ZNF569: variants seen among roughly 807,000 people sequenced by gnomAD.
The protein encoded by ZNF569 is zinc finger protein 569.
A neutral mutation model predicts 56.3 loss-of-function variants in ZNF569; 38 were observed. The observed-to-expected ratio is 0.68, with a 90% CI of 0.52 to 0.88. ZNF569 has a LOEUF of 0.88. Among genes scored for constraint, ZNF569 ranks in the 40% least tolerant of loss-of-function variants. The pLI is 0.00. For missense variants in ZNF569, 666 were observed against 809.2 expected (o/e 0.82, Z 2.15); for synonymous variants, 241 against 262.9 (o/e 0.92, Z 0.81).
chr19:37,437,015 C>CAAAAAAAAAAA (rs368735580), intron 3 of ZNF569, among the ~76,000 whole-genome samples: 1 of 100,150 alleles, frequency 1.0e-5, no homozygotes, highest in Non-Finnish European at 2.2e-5. Flanking sequence ...CAAGACACAT[C>CAAAAAAAAAAA]AAAAAAAAAA....
intron 5 of ZNF569, among the ~76,000 whole-genome samples, chr19:37,420,568 A>C (rs1468280711): frequency 6.6e-6 from 1 of 152,210 alleles, no homozygotes; most frequent in Non-Finnish European, 1.5e-5. Flanking sequence ...TTATCCCTGC[A>C]ATCACGAGAC....
chr19:37,457,887 CT>C (rs200755637), intron 2 of ZNF569, among the ~76,000 whole-genome samples: 2 of 151,284 alleles, frequency 1.3e-5, no homozygotes, highest in East Asian at 1.9e-4. Flanking sequence ...TTTTTATATT[CT>C]TTTTTTTTGG....
At position 37,413,384 on chromosome 19, in the gene ZNF569, A is replaced by T. The variant is rs1195479467; in HGVS notation, c.1274T>A (p.Phe425Tyr). 2 of 1,610,990 alleles carry T rather than the reference A, an allele frequency of 1.2e-6. No individual in the cohort carries two copies. Reference protein sequence around the residue: ...CRKAFSHKKNFITHQKIHTRE... With the variant: ...CRKAFSHKKNYITHQKIHTRE... ...AGTATGAATTTTCTGGTGTGTAATG[A>T]AGTTTTTCTTGTGGCTGAAGGCTTT... is the stretch of plus-strand genomic sequence containing the variant. Residue 425 changes from phenylalanine (F) to tyrosine (Y), a missense_variant, in exon 6 of 6, where the codon TTC becomes TAC. Phe to Tyr is a conservative substitution (Grantham distance 22, BLOSUM62 3). Transcript: ENST00000316950.
intron 3 of ZNF569, among the ~76,000 whole-genome samples, chr19:37,436,826 TAA>T (rs1363855182): frequency 2.0e-5 from 3 of 151,924 alleles, no homozygotes; most frequent in Non-Finnish European, 4.4e-5. Flanking sequence ...GAAGCTGTAA[TAA>T]AAAGTCTCCG....
In ZNF569 at chr19:37,413,851, G is replaced by C. The variant is rs907812034; in HGVS notation, c.807C>G (p.Pro269=). ...ACTTCTCACATTCCTTACATGCATA[G>C]GGCTTCTCTCCAGTATGAATTCTTT... The part of the protein sequence containing the change: ...RHQRIHTGEK[P]YACKECEKSF... Residue 269 remains proline (P), a synonymous_variant, in exon 6 of 6, where the codon CCC becomes CCG. Transcript: ENST00000316950. 43 of 1,613,414 alleles carry C rather than the reference G, an allele frequency of 2.7e-5. No individual in the cohort carries two copies. Among genetic ancestry groups the C allele is most frequent in the Non-Finnish European group, 3.4e-5 (40 of 1,179,890 alleles).
At chr19:37,426,050 G>C in intron 4 of ZNF569, 87 bp from the exon 5 acceptor site, 1 of 1,453,336 alleles carries the variant, frequency 6.9e-7, no homozygotes, top group Non-Finnish European at 9.5e-7. Flanking sequence ...GGAAAACCAG[G>C]CTAAAGGACA....
chr19:37,454,406 T>C (rs2041640266), intron 2 of ZNF569, among the ~76,000 whole-genome samples: 1 of 152,162 alleles, frequency 6.6e-6, no homozygotes, highest in Non-Finnish European at 1.5e-5. Flanking sequence ...ACCATATCCC[T>C]AAGTCTTGGG....
intron 3 of ZNF569, among the ~76,000 whole-genome samples, chr19:37,440,404 C>T (rs2041384432): frequency 6.6e-6 from 1 of 151,462 alleles, no homozygotes; most frequent in Non-Finnish European, 1.5e-5. Context: ...ATGGTGTTTG[C>T]CAGGGGCTAG....
chr19:37,413,436 T>TC lies in ZNF569; in HGVS notation c.1221dup (p.Lys408GlufsTer4), dbSNP rs1186916371. On this transcript the variant is annotated frameshift_variant, in exon 6 of 6. Coordinates refer to ENST00000316950, the MANE Select transcript of ZNF569 (RefSeq NM_152484.3). LOFTEE classifies it high-confidence loss of function. ...CTGCATTCCTTACATTCATAGGGTTTCTCACCAGTGTGACTTCTCATATGT... is the reference window on the plus strand; with the variant it reads ...CTGCATTCCTTACATTCATAGGGTTTCCTCACCAGTGTGACTTCTCATATGT... The TC allele has an allele frequency of 6.2e-7, 1 of 1,613,936 alleles. No homozygotes were observed. Among genetic ancestry groups the TC allele is most frequent in the Non-Finnish European group, 8.5e-7 (1 of 1,179,948 alleles).
At chr19:37,429,712 G>C (rs991359963) in intron 3 of ZNF569, among the ~76,000 whole-genome samples, 2 of 152,170 alleles carry the variant, frequency 1.3e-5, no homozygotes, top group African/African-American at 4.8e-5. Context: ...TTAAAGTCTG[G>C]ACTATTACAC....
intron 5 of ZNF569, among the ~76,000 whole-genome samples, chr19:37,414,784 G>T (rs1399054718): frequency 6.6e-6 from 1 of 152,112 alleles, no homozygotes; most frequent in Non-Finnish European, 1.5e-5. Flanking sequence ...AGATCATTTT[G>T]CGGGACTCTA....
chr19:37,468,272 A>G (rs567301105), upstream of ZNF569, among the ~76,000 whole-genome samples: 1 of 151,966 alleles, frequency 6.6e-6, no homozygotes, highest in Non-Finnish European at 1.5e-5. Flanking sequence ...GTTTGTTAGT[A>G]GAGATAAGGT....
chr19:37,412,890 T>G lies in ZNF569; in HGVS notation c.1768A>C (p.Arg590=). 6.2e-7 allele frequency: 1 copy of G among 1,614,092 alleles called. No individual in the cohort carries two copies. The highest frequency in any genetic ancestry group is 1.1e-5 in the South Asian group (1 of 91,080). Residue 590 remains arginine (R), a synonymous_variant, in exon 6 of 6, where the codon AGA becomes CGA. Transcript: ENST00000316950. ...CNECGKAFSQ[R]TSLIVHMRGH... ...CTCATGTGCACAATAAGGGAAGTTCTTTGAGAGAAGGCTTTCCCACATTCA... is the reference window on the plus strand; with the variant it reads ...CTCATGTGCACAATAAGGGAAGTTCGTTGAGAGAAGGCTTTCCCACATTCA...
Position 37,436,177 on chromosome 19 carries a change from A to G in ZNF569, c.15+8730T>C, listed in dbSNP as rs145214740. Among the ~76,000 whole-genome samples the G allele has an allele frequency of 6.6e-3, 1,011 of 152,290 alleles. 11 individuals carry two copies. The highest frequency in any genetic ancestry group is 0.01 in the Non-Finnish European group (711 of 68,010). On this transcript the variant is annotated intron_variant, in intron 3 of 5. Transcript: ENST00000316950. ...CACAATGGAATAAAACTAGAAATCAATAAGGAGGAATTTTGGAAACTATAC... is the reference window on the plus strand; with the variant it reads ...CACAATGGAATAAAACTAGAAATCAGTAAGGAGGAATTTTGGAAACTATAC...
chr19:37,451,212 T>C (rs1410274108), intron 2 of ZNF569, among the ~76,000 whole-genome samples: 2 of 151,878 alleles, frequency 1.3e-5, no homozygotes, highest in Non-Finnish European at 2.9e-5. Context: ...CCAGCCTGGA[T>C]AACATGTTGA....
At position 37,426,601 on chromosome 19, in the gene ZNF569, GA is replaced by G. The variant is rs374732185; in HGVS notation, c.16-224del. On this transcript the variant is annotated intron_variant, in intron 3 of 5. Transcript: ENST00000316950. ...TTAGGTACCAATTTATATTGAGTGT[GA>G]AAGAAACATAAAAATAAAACTTTAA... Among the ~76,000 whole-genome samples the G allele has an allele frequency of 2.0e-4, 30 of 152,266 alleles. No homozygotes were observed. In the East Asian group the frequency reaches 4.4e-3, roughly 23 times the overall value.
chr19:37,446,683 A>G (rs1157440061), intron 2 of ZNF569, among the ~76,000 whole-genome samples: 1 of 152,136 alleles, frequency 6.6e-6, no homozygotes, highest in African/African-American at 2.4e-5. Flanking sequence ...CATTCGAAAA[A>G]CCCTTGTAGA....
upstream of ZNF569, chr19:37,468,002 T>A: frequency 6.9e-7 from 1 of 1,449,676 alleles, no homozygotes. Context: ...CCGCCTGACT[T>A]CTAAACAGAC....
At position 37,413,492 on chromosome 19, in the gene ZNF569, T is replaced by G; in HGVS notation, c.1166A>C (p.Lys389Thr). The change falls in exon 6 of 6, where the codon AAA becomes ACA. Residue 389 changes from lysine to threonine, a missense_variant. Lys to Thr is a moderately conservative substitution (Grantham distance 78). Transcript: ENST00000316950. ...AAGGGCTGAGCTTTGAGAGAAGGCT[T>G]TTCCACACTCATTACATTCATAGGG... ...EKPYECNECGKAFSQSSALTV... is the reference protein window; with the variant it reads ...EKPYECNECGTAFSQSSALTV... 3.7e-6 allele frequency: 6 copies of G among 1,613,748 alleles called. No individual in the cohort carries two copies. The highest frequency in any genetic ancestry group is 5.1e-6 in the Non-Finnish European group (6 of 1,179,878).
Sources: allele counts gnomAD v4.1 joint callset (sites outside exome capture counted in the v4.1 genomes callset), GRCh38; gene constraint gnomAD v4.1.1; transcripts MANE v1.5; gene names NCBI Gene and HGNC (gene_info 2026-07-23, HGNC 2026-07-21).